PTPRD: variants seen among roughly 807,000 people sequenced by gnomAD.
The protein encoded by PTPRD is protein tyrosine phosphatase receptor type D, also known as receptor-type tyrosine-protein phosphatase delta.
A neutral mutation model predicts 214.5 loss-of-function variants in PTPRD; 34 were observed. That is an observed-to-expected ratio of 0.16 (90% CI 0.12 to 0.21). The LOEUF is 0.21. Ranked by LOEUF, PTPRD falls within the 10% of genes least tolerant of loss-of-function variation. The probability of loss-of-function intolerance (pLI) is 1.00; values close to 1 mark genes in which losing one functional copy is unlikely to be tolerated. For synonymous variants in PTPRD, 1,128 were observed against 845.7 expected, an observed-to-expected ratio of 1.33 and a Z score of -5.79; for missense variants, 2,545 against 2,398.7, an observed-to-expected ratio of 1.06 and a Z score of -1.27.
At chr9:10,351,001 G>C (rs2097172573) in intron 2 of PTPRD, among the ~76,000 whole-genome samples, 1 of 152,084 alleles carries the variant, frequency 6.6e-6, no homozygotes, top group South Asian at 2.1e-4. Flanking sequence ...ACTGAAGAAA[G>C]GAGCCAAAGG....
At chr9:8,615,471 G>A (rs1405604709) in intron 14 of PTPRD, among the ~76,000 whole-genome samples, 1 of 152,094 alleles carries the variant, frequency 6.6e-6, no homozygotes, top group Admixed American at 6.6e-5. Context: ...CCTCTTAGGT[G>A]TGGACAATGG....
At chr9:10,121,772 C>T (rs1425706909) in intron 3 of PTPRD, among the ~76,000 whole-genome samples, 1 of 152,140 alleles carries the variant, frequency 6.6e-6, no homozygotes, top group Non-Finnish European at 1.5e-5. Context: ...TACGCAGACC[C>T]TTTGTAGGTA....
At chr9:10,183,149 T>C (rs2099310325) in intron 3 of PTPRD, among the ~76,000 whole-genome samples, 1 of 152,146 alleles carries the variant, frequency 6.6e-6, no homozygotes, top group African/African-American at 2.4e-5. Flanking sequence ...AGTAAAGTGT[T>C]CAATTTTTTA....
intron 2 of PTPRD, among the ~76,000 whole-genome samples, chr9:10,449,301 G>C (rs939759038): frequency 6.6e-6 from 1 of 151,880 alleles, no homozygotes; most frequent in African/African-American, 2.4e-5. Context: ...TGGGCCTCCC[G>C]AGGCGCCGGG....
At chr9:9,826,269 C>T (rs986333926) in intron 5 of PTPRD, among the ~76,000 whole-genome samples, 10 of 151,740 alleles carry the variant, frequency 6.6e-5, no homozygotes, top group Non-Finnish European at 1.5e-4. Context: ...GTTCAGTCTT[C>T]ATTTCTGAAA....
rs1352136003 is a variant in PTPRD at position 10,612,752 on chromosome 9, G to C, written c.-772C>G. The C allele has an allele frequency of 6.5e-6, 1 of 152,754 alleles. No individual in the cohort carries two copies. Among genetic ancestry groups the C allele is most frequent in the African/African-American group, 2.4e-5 (1 of 41,476 alleles). 9.5% of individuals were successfully genotyped at this position (152,754 alleles called of 1,614,324 possible). A position where few individuals can be genotyped will look rare whatever the true frequency, so the allele number is the denominator to read the frequency against. ...CGGAGGGGAGGAGGCTCGGGAGGAG[G>C]AGGAGAAAGAGCAGCGGGAGGACTC... is the stretch of plus-strand genomic sequence containing the variant. On this transcript the variant is annotated 5_prime_UTR_variant, in exon 1 of 46. Coordinates refer to ENST00000381196, the MANE Select transcript of PTPRD (RefSeq NM_002839.4).
chr9:8,449,871 G>C lies in PTPRD; in HGVS notation c.3876-34C>G, dbSNP rs760140511. ...GGAAAATAGAAATTTAAGAAGAAAA[G>C]AAAAATCAATTGAAACAGATAGAAA... On this transcript the variant is annotated intron_variant, in intron 33 of 45. Coordinates refer to ENST00000381196, the MANE Select transcript of PTPRD (RefSeq NM_002839.4). 8 of 1,597,182 alleles carry C rather than the reference G, an allele frequency of 5.0e-6. No individual in the cohort carries two copies. In the South Asian group the frequency reaches 7.8e-5, roughly 15 times the overall value.
At chr9:9,795,224 C>G (rs1307965822) in intron 5 of PTPRD, among the ~76,000 whole-genome samples, 1 of 152,134 alleles carries the variant, frequency 6.6e-6, no homozygotes, top group Non-Finnish European at 1.5e-5. Flanking sequence ...ATTTGGAGAT[C>G]TGGATAGAGA....
chr9:9,237,859 G>A (rs1004600621), intron 9 of PTPRD, among the ~76,000 whole-genome samples: 5 of 151,982 alleles, frequency 3.3e-5, no homozygotes, highest in Non-Finnish European at 7.4e-5. Flanking sequence ...AGGTTAACAG[G>A]GCACTTCATT....
chr9:10,070,860 T>C (rs80265016), intron 3 of PTPRD, among the ~76,000 whole-genome samples: 3,045 of 152,068 alleles, frequency 0.02, 115 homozygotes, highest in African/African-American at 0.069. Flanking sequence ...TACCTTATTT[T>C]GTAGATTAAA....
At chr9:9,569,288 A>C (rs190167426) in intron 8 of PTPRD, among the ~76,000 whole-genome samples, 127 of 151,916 alleles carry the variant, frequency 8.4e-4, no homozygotes, top group African/African-American at 2.9e-3. Context: ...GGAAAAAAAA[A>C]AGGTATTTAA....
At chr9:9,804,653 G>A (rs1465351258) in intron 5 of PTPRD, among the ~76,000 whole-genome samples, 1 of 151,930 alleles carries the variant, frequency 6.6e-6, no homozygotes, top group Non-Finnish European at 1.5e-5. Flanking sequence ...TGGGGAGAAA[G>A]CATATTATGA....
At position 9,229,616 on chromosome 9, in the gene PTPRD, G is replaced by A. The variant is rs1434102520; in HGVS notation, c.-202-46253C>T. 5.3e-5 allele frequency among the ~76,000 whole-genome samples: 8 copies of A among 152,156 alleles called. No homozygotes were observed. In the East Asian group the frequency reaches 1.5e-3, roughly 29 times the overall value. On this transcript the variant is annotated intron_variant, in intron 9 of 45. Transcript: ENST00000381196. ...TGACAAATACTCGGGTTTACTCTCA[G>A]ACCAAAATTATACATGATGGAATGA... is the stretch of plus-strand genomic sequence containing the variant.
chr9:9,776,937 G>A (rs1041101690), intron 5 of PTPRD, among the ~76,000 whole-genome samples: 1 of 152,130 alleles, frequency 6.6e-6, no homozygotes, highest in African/African-American at 2.4e-5. Flanking sequence ...CCTCTGGGTT[G>A]AAAGGCATAA....
chr9:9,731,532 C>T (rs550548291), intron 7 of PTPRD, among the ~76,000 whole-genome samples: 1 of 152,074 alleles, frequency 6.6e-6, no homozygotes, highest in East Asian at 1.9e-4. Context: ...TGGATGTATA[C>T]ATGTGCCATG....
chr9:9,303,032 C>T (rs1467703754), intron 9 of PTPRD, among the ~76,000 whole-genome samples: 1 of 151,926 alleles, frequency 6.6e-6, no homozygotes, highest in Non-Finnish European at 1.5e-5. Context: ...TATTCATTGG[C>T]TTCATAAGAG....
At chr9:8,673,757 T>A (rs187875322) in intron 12 of PTPRD, among the ~76,000 whole-genome samples, 2 of 152,240 alleles carry the variant, frequency 1.3e-5, no homozygotes, top group East Asian at 3.8e-4. Flanking sequence ...TATTTGTGTA[T>A]GTTCAATTGG....
In PTPRD at chr9:9,150,683, G is replaced by A. The variant is rs932463399; in HGVS notation, c.-143+32621C>T. ...CAGTACAGACGGAGTTTCACTGGCC[G>A]GGCTGGTCTCAAACTCCTGACCTCA... On this transcript the variant is annotated intron_variant, in intron 10 of 45. Transcript: ENST00000381196. 5.9e-5 allele frequency among the ~76,000 whole-genome samples: 9 copies of A among 151,754 alleles called. No individual in the cohort carries two copies. In the South Asian group the frequency reaches 1.0e-3, roughly 18 times the overall value.
intron 39 of PTPRD, among the ~76,000 whole-genome samples, chr9:8,343,485 G>T (rs1371520382): frequency 6.6e-6 from 1 of 151,992 alleles, no homozygotes; most frequent in Non-Finnish European, 1.5e-5. Context: ...ATAGAGCAAA[G>T]TCGGCCTGGT....
Sources: gnomAD v4.1 joint callset for allele counts (sites outside exome capture counted in the v4.1 genomes callset) on GRCh38, gnomAD v4.1.1 for gene constraint, MANE v1.5 for transcripts, NCBI Gene and HGNC (gene_info 2026-07-23, HGNC 2026-07-21) for gene names.